The following CDH18 variants were observed in gnomAD, a reference collection of about 807,000 sequenced individuals.
The protein encoded by CDH18 is cadherin 18, also known as cadherin-18.
In CDH18, 31 loss-of-function variants were observed where a neutral mutation model predicts 67.9. The observed-to-expected ratio is 0.46, with a 90% CI of 0.34 to 0.62. The LOEUF is 0.62. CDH18 is among the 20% of genes least tolerant of loss of function. The pLI is 0.01. For synonymous variants in CDH18, 362 were observed against 347.2 expected (o/e 1.04, Z -0.48); for missense variants, 890 against 975.5 (o/e 0.91, Z 1.17).
intron 1 of CDH18, among the ~76,000 whole-genome samples, chr5:20,259,376 T>C (rs1580606668): frequency 6.6e-6 from 1 of 152,094 alleles, no homozygotes; most frequent in African/African-American, 2.4e-5. Context: ...TTGAACAACA[T>C]AGGTTTGAAC....
intron 2 of CDH18, among the ~76,000 whole-genome samples, chr5:20,214,283 G>A (rs1371212296): frequency 2.0e-5 from 3 of 151,928 alleles, no homozygotes; most frequent in Non-Finnish European, 4.4e-5. Flanking sequence ...ACATTTTATA[G>A]ATTCAGTACT....
At chr5:19,611,371 AT>A (rs1748933067) in intron 6 of CDH18, among the ~76,000 whole-genome samples, 4 of 152,188 alleles carry the variant, frequency 2.6e-5, no homozygotes, top group Admixed American at 2.6e-4. Context: ...ACAGGAATTA[AT>A]TGCAAAACTG....
intron 2 of CDH18, among the ~76,000 whole-genome samples, chr5:20,249,964 T>C (rs1203437491): frequency 1.3e-5 from 2 of 152,130 alleles, no homozygotes; most frequent in Non-Finnish European, 2.9e-5. Context: ...AGATGAAAAT[T>C]ACAAACATGA....
intron 1 of CDH18, among the ~76,000 whole-genome samples, chr5:20,538,736 C>T (rs1005829187): frequency 2.6e-5 from 4 of 151,962 alleles, no homozygotes; most frequent in Admixed American, 6.6e-5. Flanking sequence ...GTCAGCTTCT[C>T]ATCTTCTTGA....
At chr5:20,078,725 C>T (rs1203669334) in intron 2 of CDH18, among the ~76,000 whole-genome samples, 1 of 151,796 alleles carries the variant, frequency 6.6e-6, no homozygotes, top group Non-Finnish European at 1.5e-5. Flanking sequence ...GCCTCAGCCT[C>T]TCAAGTAGCT....
intron 1 of CDH18, among the ~76,000 whole-genome samples, chr5:20,565,188 G>GAT (rs1313106481): frequency 6.6e-6 from 1 of 152,122 alleles, no homozygotes; most frequent in Non-Finnish European, 1.5e-5. Context: ...AGTTGTTTCA[G>GAT]ATATATGTGA....
At chr5:20,202,197 C>A (rs982879591) in intron 2 of CDH18, among the ~76,000 whole-genome samples, 1 of 152,062 alleles carries the variant, frequency 6.6e-6, no homozygotes, top group African/African-American at 2.4e-5. Flanking sequence ...TGGAGCATTC[C>A]AGGACATATT....
chr5:20,111,765 G>T (rs1051825819), intron 2 of CDH18, among the ~76,000 whole-genome samples: 1 of 151,772 alleles, frequency 6.6e-6, no homozygotes, highest in African/African-American at 2.4e-5. Flanking sequence ...GGATGGTCTC[G>T]ATCTCTTGAC....
intron 1 of CDH18, among the ~76,000 whole-genome samples, chr5:20,350,714 A>G (rs903944023): frequency 1.2e-4 from 18 of 152,124 alleles, no homozygotes; most frequent in Admixed American, 6.6e-5. Flanking sequence ...TGCTCTCTGG[A>G]GGCAAACATT....
rs74544614 is a variant in CDH18 at position 20,346,296 on chromosome 5, C to T, written c.-579-90791G>A. On this transcript the variant is annotated intron_variant, in intron 1 of 14. Transcript: ENST00000507958. ...AAGCTTTTGCTTATCAACTATTTAA[C>T]GGGACTAGAGGTATTAAAACTTATC... Among the ~76,000 whole-genome samples the T allele has an allele frequency of 4.6e-3, 702 of 152,200 alleles. 9 individuals are homozygous for T. Among genetic ancestry groups the T allele is most frequent in the African/African-American group, 0.016 (664 of 41,558 alleles).
intron 6 of CDH18, among the ~76,000 whole-genome samples, chr5:19,604,389 G>A (rs1436984920): frequency 1.3e-5 from 2 of 151,990 alleles, no homozygotes; most frequent in Non-Finnish European, 2.9e-5. Flanking sequence ...TGACTGACAT[G>A]TGAGAGGTTA....
chr5:20,462,409 T>C (rs1751329443), intron 1 of CDH18, among the ~76,000 whole-genome samples: 1 of 152,126 alleles, frequency 6.6e-6, no homozygotes, highest in Non-Finnish European at 1.5e-5. Context: ...AGTTGGAAGA[T>C]ACAAGTTCTA....
At chr5:20,401,343 T>A (rs933195719) in intron 1 of CDH18, among the ~76,000 whole-genome samples, 1 of 152,220 alleles carries the variant, frequency 6.6e-6, no homozygotes, top group African/African-American at 2.4e-5. Context: ...ATAAGATACG[T>A]GTATTAATTA....
intron 2 of CDH18, 67 bp downstream of exon 2, chr5:19,980,993 C>G (rs2150360806): frequency 6.6e-6 from 1 of 152,296 alleles, no homozygotes; most frequent in Middle Eastern, 3.4e-3. Flanking sequence ...TTTCCCCCAT[C>G]AGACTTATAT....
chr5:19,929,291 G>T (rs1215044117), intron 2 of CDH18, among the ~76,000 whole-genome samples: 2 of 151,936 alleles, frequency 1.3e-5, no homozygotes, highest in Admixed American at 6.6e-5. Context: ...GTTTAGTTTG[G>T]CATCAGACAT....
chr5:20,032,280 G>T (rs1160754574), intron 2 of CDH18, among the ~76,000 whole-genome samples: 1 of 150,890 alleles, frequency 6.6e-6, no homozygotes, highest in African/African-American at 2.4e-5. Flanking sequence ...TTAAAAGAAA[G>T]AAGAAACCAG....
Position 19,890,602 on chromosome 5 carries a change from T to TC in CDH18, c.-256-51361_-256-51360insG, listed in dbSNP as rs201039153. ...CAGCATTAGCCCAGAACACCATTTTTTTTTTTTTTTGAGACAAAGTCTTGC... is the reference window on the plus strand; with the variant it reads ...CAGCATTAGCCCAGAACACCATTTTTCTTTTTTTTTTGAGACAAAGTCTTGC... On this transcript the variant is annotated intron_variant, in intron 2 of 12. Transcript: ENST00000382275. Among the ~76,000 whole-genome samples, 876 of 135,122 alleles carry TC rather than the reference T, an allele frequency of 6.5e-3. 13 individuals carry two copies. The highest frequency in any genetic ancestry group is 0.021 in the African/African-American group (830 of 40,218). 88.6% of individuals were successfully genotyped at this position (135,122 alleles called of 152,430 possible).
rs563304270 is a variant in CDH18 at position 19,762,236 on chromosome 5, A to G, written c.229-15000T>C. ...GCAATGGCAACAAAAGACAAAATAG[A>G]CAAATGGGATCTAATTAAACTAAAG... On this transcript the variant is annotated intron_variant, in intron 3 of 12. Transcript: ENST00000382275. Among the ~76,000 whole-genome samples the G allele has an allele frequency of 3.1e-4, 47 of 152,306 alleles. No homozygotes were observed. In the South Asian group the frequency reaches 3.7e-3, roughly 12 times the overall value.
intron 2 of CDH18, among the ~76,000 whole-genome samples, chr5:19,847,729 AAG>A (rs1362985823): frequency 6.6e-6 from 1 of 152,076 alleles, no homozygotes; most frequent in Non-Finnish European, 1.5e-5. Flanking sequence ...CCTACAGAGA[AAG>A]ACTTTCTCCA....
Sources: gnomAD v4.1 joint callset for allele counts (sites outside exome capture counted in the v4.1 genomes callset) on GRCh38, gnomAD v4.1.1 for gene constraint, MANE v1.5 for transcripts, NCBI Gene and HGNC (gene_info 2026-07-23, HGNC 2026-07-21) for gene names.